Variants in FHIT observed in about 807,000 individuals in gnomAD.
FHIT encodes the protein bis(5'-adenosyl)-triphosphatase.
Under a neutral mutation model 17.9 loss-of-function variants are expected in FHIT, and 19 were observed. The ratio of observed to expected loss-of-function variants is 1.06; its 90% CI spans 0.74 to 1.56. The LOEUF (loss-of-function observed/expected upper bound fraction) is 1.56, where lower values mean the gene tolerates loss of function less well. FHIT is among the 40% of genes most tolerant of loss of function. FHIT has a pLI of 0.00. For synonymous variants in FHIT, 81 were observed against 69.7 expected, an observed-to-expected ratio of 1.16 and a Z score of -0.81; for missense variants, 248 against 189.2, an observed-to-expected ratio of 1.31 and a Z score of -1.82.
At chr3:60,880,135 G>T (rs1704891194) in intron 3 of FHIT, among the ~76,000 whole-genome samples, 1 of 152,094 alleles carries the variant, frequency 6.6e-6, no homozygotes, top group Non-Finnish European at 1.5e-5. Flanking sequence ...CAAGAGAAAT[G>T]TGTCACAGTA....
intron 3 of FHIT, among the ~76,000 whole-genome samples, chr3:61,014,688 G>A (rs2031982543): frequency 6.8e-6 from 1 of 147,894 alleles, no homozygotes; most frequent in Non-Finnish European, 1.5e-5. Flanking sequence ...GCTGAGGCAT[G>A]AGAATGGCGT....
At chr3:61,242,808 G>A (rs2040404209) in intron 1 of FHIT, among the ~76,000 whole-genome samples, 1 of 152,168 alleles carries the variant, frequency 6.6e-6, no homozygotes. Flanking sequence ...TTCCTGCATG[G>A]AGGCACAAGA....
intron 5 of FHIT, among the ~76,000 whole-genome samples, chr3:60,059,780 C>G (rs922083730): frequency 1.3e-5 from 2 of 152,098 alleles, no homozygotes; most frequent in East Asian, 1.9e-4. Flanking sequence ...AGAGCTCCCC[C>G]CATTCTTGTT....
chr3:59,876,276 T>TA (rs1244040289), intron 8 of FHIT, among the ~76,000 whole-genome samples: 3 of 152,210 alleles, frequency 2.0e-5, no homozygotes, highest in African/African-American at 7.2e-5. Flanking sequence ...GCTATGATCT[T>TA]AAAAAAGATT....
chr3:60,699,752 TACAC>T (rs148373028), intron 4 of FHIT, among the ~76,000 whole-genome samples: 8 of 144,214 alleles, frequency 5.5e-5, no homozygotes, highest in East Asian at 4.1e-4. Flanking sequence ...TTAAGATAAA[TACAC>T]ACACACACAC....
At chr3:61,017,845 C>G (rs994242769) in intron 3 of FHIT, among the ~76,000 whole-genome samples, 32 of 152,176 alleles carry the variant, frequency 2.1e-4, no homozygotes, top group African/African-American at 7.7e-4. Flanking sequence ...CTGTCTCACA[C>G]AGAAGTGGCT....
rs185925106 is a variant in FHIT at position 60,133,700 on chromosome 3, G to A, written c.104-119548C>T. Reference sequence around the variant, plus strand: ...ACAACCCATTCACATACTGGGCAGAGCCCTTCCAATGTTAACCTCTGCCAG... The same window carrying A: ...ACAACCCATTCACATACTGGGCAGAACCCTTCCAATGTTAACCTCTGCCAG... On this transcript the variant is annotated intron_variant, in intron 5 of 9. Transcript: ENST00000492590. 5.3e-5 allele frequency among the ~76,000 whole-genome samples: 8 copies of A among 151,770 alleles called. No homozygotes were observed. The East Asian group carries it at 1.5e-3, about 29-fold the overall frequency.
intron 4 of FHIT, among the ~76,000 whole-genome samples, chr3:60,615,752 T>C (rs2038932209): frequency 6.6e-6 from 1 of 152,172 alleles, no homozygotes; most frequent in African/African-American, 2.4e-5. Context: ...AAAAAGACAT[T>C]TTGTAGAAGT....
At chr3:61,123,500 T>TA (rs148138483) in intron 2 of FHIT, among the ~76,000 whole-genome samples, 27,250 of 149,048 alleles carry the variant, frequency 0.18, 2,517 homozygotes, top group African/African-American at 0.22. Flanking sequence ...TAAAGTATAA[T>TA]AAAAAAAAAG....
At chr3:60,463,055 G>T (rs994230700) in intron 5 of FHIT, among the ~76,000 whole-genome samples, 3 of 152,256 alleles carry the variant, frequency 2.0e-5, no homozygotes, top group Non-Finnish European at 4.4e-5. Flanking sequence ...GGCTCCTCAG[G>T]CTTTAGCATG....
chr3:60,506,841 A>G (rs762295968), intron 5 of FHIT, among the ~76,000 whole-genome samples: 5 of 152,012 alleles, frequency 3.3e-5, no homozygotes, highest in Non-Finnish European at 7.4e-5. Context: ...ATTTGTGAAC[A>G]AGAATGAATG....
intron 5 of FHIT, among the ~76,000 whole-genome samples, chr3:60,256,190 G>T (rs1705983927): frequency 6.6e-6 from 1 of 152,010 alleles, no homozygotes; most frequent in African/African-American, 2.4e-5. Flanking sequence ...CCCAATTTAT[G>T]CCTCTTAAAA....
At chr3:61,053,283 T>C (rs1411922198) in intron 2 of FHIT, among the ~76,000 whole-genome samples, 2 of 152,088 alleles carry the variant, frequency 1.3e-5, no homozygotes, top group Admixed American at 6.6e-5. Flanking sequence ...ATGCCCACAA[T>C]ACATTCACAT....
At chr3:60,191,301 G>A (rs929441723) in intron 5 of FHIT, among the ~76,000 whole-genome samples, 2 of 151,994 alleles carry the variant, frequency 1.3e-5, no homozygotes, top group Non-Finnish European at 2.9e-5. Flanking sequence ...TAGAAAAAGG[G>A]ATACATTTGA....
At chr3:61,055,356 T>A in intron 2 of FHIT, among the ~76,000 whole-genome samples, 1 of 152,176 alleles carries the variant, frequency 6.6e-6, no homozygotes, top group East Asian at 1.9e-4. Flanking sequence ...CAATAATGCC[T>A]AATTAGGGTC....
rs145902375 is a variant in FHIT, at chr3:61,030,058, G to A, written c.-111+11989C>T. Among the ~76,000 whole-genome samples the A allele has an allele frequency of 3.4e-4, 51 of 152,176 alleles. No individual in the cohort carries two copies. In the East Asian group the frequency reaches 8.7e-3, roughly 26 times the overall value. ...TATCTCAGCTAACTGCAACCTTTGC[G>A]TCCCAGACTCAGGTGATCCTCCTAC... On this transcript the variant is annotated intron_variant, in intron 3 of 9. Transcript: ENST00000492590.
intron 3 of FHIT, among the ~76,000 whole-genome samples, chr3:60,875,470 C>A (rs1553756224): frequency 6.6e-6 from 1 of 152,196 alleles, no homozygotes; most frequent in African/African-American, 2.4e-5. Flanking sequence ...TTTCTGCCCT[C>A]TGCCACAGTG....
At chr3:61,124,207 A>G (rs2036543927) in intron 2 of FHIT, among the ~76,000 whole-genome samples, 1 of 152,186 alleles carries the variant, frequency 6.6e-6, no homozygotes, top group Admixed American at 6.5e-5. Flanking sequence ...ACCAATTGGC[A>G]TGATTCTTGC....
At chr3:60,915,773 A>G (rs543680977) in intron 3 of FHIT, among the ~76,000 whole-genome samples, 1 of 152,308 alleles carries the variant, frequency 6.6e-6, no homozygotes, top group East Asian at 1.9e-4. Context: ...GTCAAGTACA[A>G]TACAGCCCAG....
Sources: gnomAD v4.1 joint callset for allele counts (sites outside exome capture counted in the v4.1 genomes callset) on GRCh38, gnomAD v4.1.1 for gene constraint, MANE v1.5 for transcripts, NCBI Gene and HGNC (gene_info 2026-07-23, HGNC 2026-07-21) for gene names.